NAA11: variants seen among roughly 807,000 people sequenced by gnomAD.
NAA11 encodes N-alpha-acetyltransferase 11.
A neutral mutation model predicts 16.1 loss-of-function variants in NAA11; 15 were observed. The observed-to-expected ratio is 0.93, with a 90% CI of 0.62 to 1.44. The LOEUF is 1.44. Ranked by LOEUF, NAA11 falls within the 40% of genes most tolerant of loss-of-function variation. The probability of loss-of-function intolerance (pLI) is 0.00; values close to 1 mark genes in which losing one functional copy is unlikely to be tolerated. For missense variants in NAA11, 298 were observed against 291.3 expected (o/e 1.02, Z -0.17); for synonymous variants, 122 against 112.4 (o/e 1.09, Z -0.54).
the NAA11 span, among the ~76,000 whole-genome samples, chr4:79,205,063 C>A: frequency 2.4e-4 from 37 of 151,902 alleles, no homozygotes; most frequent in African/African-American, 8.4e-4. Flanking sequence ...TATCCACTTA[C>A]CAGTTGATGG....
chr4:79,234,699 T>C (rs1193628215), intron 2 of NAA11, among the ~76,000 whole-genome samples: 1 of 152,146 alleles, frequency 6.6e-6, no homozygotes, highest in African/African-American at 2.4e-5. Context: ...CTCCATGCAG[T>C]GACCTTTTAA....
At chr4:79,157,893 T>A in the NAA11 span, among the ~76,000 whole-genome samples, 1 of 147,770 alleles carries the variant, frequency 6.8e-6, no homozygotes, top group African/African-American at 2.6e-5. Context: ...TGCTGATTGC[T>A]GATGATTTTT....
At chr4:79,184,073 T>C in the NAA11 span, among the ~76,000 whole-genome samples, 2 of 152,192 alleles carry the variant, frequency 1.3e-5, no homozygotes, top group African/African-American at 4.8e-5. Context: ...GTTTTTTTAT[T>C]TGAAGACCTG....
intron 2 of NAA11, among the ~76,000 whole-genome samples, chr4:79,279,121 G>A (rs184073662): frequency 3.9e-5 from 6 of 152,076 alleles, no homozygotes; most frequent in African/African-American, 1.4e-4. Context: ...TATGAATTTT[G>A]GGGAACACAT....
the NAA11 span, among the ~76,000 whole-genome samples, chr4:79,156,347 A>G: frequency 6.6e-6 from 1 of 151,334 alleles, no homozygotes; most frequent in Non-Finnish European, 1.5e-5. Context: ...ATATATTCAT[A>G]TAGGGATATA....
At chr4:79,224,228 G>T (rs1398902991), downstream of NAA11, among the ~76,000 whole-genome samples, 1 of 152,094 alleles carries the variant, frequency 6.6e-6, no homozygotes, top group Non-Finnish European at 1.5e-5. Flanking sequence ...ATAATTCCAA[G>T]GGCGGCCACT....
At chr4:79,219,628 C>G in the NAA11 span, among the ~76,000 whole-genome samples, 1 of 151,992 alleles carries the variant, frequency 6.6e-6, no homozygotes, top group Non-Finnish European at 1.5e-5. Context: ...AAATGCCAAA[C>G]AAACTGAAAA....
intron 1 of NAA11, chr4:79,308,211 G>C (rs767693465): frequency 6.6e-6 from 1 of 152,186 alleles, no homozygotes; most frequent in Non-Finnish European, 1.5e-5. Context: ...GATTACTATA[G>C]ATCATTCCGA....
the NAA11 span, among the ~76,000 whole-genome samples, chr4:79,175,797 T>C: frequency 2.7e-5 from 4 of 150,266 alleles, no homozygotes; most frequent in African/African-American, 9.7e-5. Flanking sequence ...TTCTCTCTTA[T>C]AAGTTTTGTT....
At chr4:79,288,955 A>G (rs567571628) in intron 2 of NAA11, among the ~76,000 whole-genome samples, 12 of 152,298 alleles carry the variant, frequency 7.9e-5, no homozygotes, top group Middle Eastern at 3.4e-3. Flanking sequence ...ATGTCATTCA[A>G]TATTTTTCTA....
chr4:79,245,847 C>T (rs905075390), intron 2 of NAA11, among the ~76,000 whole-genome samples: 2 of 152,058 alleles, frequency 1.3e-5, no homozygotes, highest in Non-Finnish European at 2.9e-5. Flanking sequence ...GTGAGGAGCC[C>T]CTCTGCCCGG....
the NAA11 span, among the ~76,000 whole-genome samples, chr4:79,161,822 A>C: frequency 6.6e-6 from 1 of 152,112 alleles, no homozygotes; most frequent in Non-Finnish European, 1.5e-5. Context: ...AGCTGGGACT[A>C]CTGGCGCATG....
chr4:79,182,338 GTC>G, the NAA11 span, among the ~76,000 whole-genome samples: 1 of 152,212 alleles, frequency 6.6e-6, no homozygotes, highest in Non-Finnish European at 1.5e-5. Context: ...GTTTAAATGA[GTC>G]TTTTTCTGCC....
the NAA11 span, among the ~76,000 whole-genome samples, chr4:79,161,930 C>T: frequency 6.6e-6 from 1 of 152,192 alleles, no homozygotes; most frequent in South Asian, 2.1e-4. Flanking sequence ...ATCTGCCCAC[C>T]TCGGCGTCCC....
At chr4:79,289,519 GTTT>G (rs1723030333) in intron 2 of NAA11, among the ~76,000 whole-genome samples, 1 of 152,042 alleles carries the variant, frequency 6.6e-6, no homozygotes, top group Non-Finnish European at 1.5e-5. Context: ...CAATTATCTC[GTTT>G]TTTTATCCTC....
chr4:79,303,518 CTTAAT>C (rs1203155257), intron 1 of NAA11, among the ~76,000 whole-genome samples: 1 of 151,980 alleles, frequency 6.6e-6, no homozygotes, highest in African/African-American at 2.4e-5. Context: ...TGAACTGGGA[CTTAAT>C]TTAAGGGGAG....
chr4:79,191,452 A>T, the NAA11 span, among the ~76,000 whole-genome samples: 2 of 151,630 alleles, frequency 1.3e-5, no homozygotes, highest in Non-Finnish European at 2.9e-5. Flanking sequence ...TTTTTATTGC[A>T]TAGGCTTGTT....
intron 2 of NAA11, among the ~76,000 whole-genome samples, chr4:79,268,198 A>G (rs759494408): frequency 6.6e-6 from 1 of 152,176 alleles, no homozygotes; most frequent in African/African-American, 2.4e-5. Flanking sequence ...TCAAAATAAA[A>G]TGTTTAAAAA....
At chr4:79,301,983 TAA>T (rs1185052308) in intron 1 of NAA11, among the ~76,000 whole-genome samples, 2 of 152,148 alleles carry the variant, frequency 1.3e-5, no homozygotes, top group East Asian at 1.9e-4. Flanking sequence ...TAGAGAAAAA[TAA>T]AAGACTGGCC....
Sources: allele counts gnomAD v4.1 joint callset (sites outside exome capture counted in the v4.1 genomes callset), GRCh38; gene constraint gnomAD v4.1.1; transcripts MANE v1.5; gene names NCBI Gene and HGNC (gene_info 2026-07-23, HGNC 2026-07-21).